The following KCNJ13 variants were observed in gnomAD, a reference collection of about 807,000 sequenced individuals.
KCNJ13 encodes potassium inwardly rectifying channel subfamily J member 13.
In KCNJ13, 9 loss-of-function variants were observed where a neutral mutation model predicts 24.6. That is an observed-to-expected ratio of 0.37 (90% CI 0.22 to 0.64). The LOEUF (loss-of-function observed/expected upper bound fraction) is 0.64, where lower values mean the gene tolerates loss of function less well. Among genes scored for constraint, KCNJ13 ranks in the 30% least tolerant of loss-of-function variants. The pLI, the probability that KCNJ13 is intolerant of heterozygous loss-of-function variation, is 0.64. For missense variants in KCNJ13, 337 were observed against 443.8 expected (o/e 0.76, Z 2.16); for synonymous variants, 148 against 154.7 (o/e 0.96, Z 0.32).
At chr2:232,774,067 A>G (rs1265064769) in intron 1 of KCNJ13, among the ~76,000 whole-genome samples, 1 of 151,748 alleles carries the variant, frequency 6.6e-6, no homozygotes, top group African/African-American at 2.4e-5. Flanking sequence ...GGATTGCTTG[A>G]GGTCGGGAAT....
Position 232,765,955 on chromosome 2 carries a change from A to C in KCNJ13, c.*2236T>G, listed in dbSNP as rs745319511. The C allele has an allele frequency of 1.1e-5, 5 of 471,046 alleles. No individual in the cohort carries two copies. The highest frequency in any genetic ancestry group is 1.5e-5 in the South Asian group (1 of 64,570). 29.2% of individuals were successfully genotyped at this position (471,046 alleles called of 1,614,324 possible). Reference sequence around the variant, plus strand: ...TTCCTGATCATGTGTGCAAGACTTCATGACCAAGCTCCCAGATGATCCAGG... The same window carrying C: ...TTCCTGATCATGTGTGCAAGACTTCCTGACCAAGCTCCCAGATGATCCAGG... On this transcript the variant is annotated 3_prime_UTR_variant, in exon 3 of 3. Coordinates refer to ENST00000233826, the MANE Select transcript of KCNJ13 (RefSeq NM_002242.4).
At position 232,771,414 on chromosome 2, in the gene KCNJ13, TTTTATAG is replaced by T. The variant is rs778562541; in HGVS notation, c.-16-43_-16-37del. The stretch of plus-strand genomic sequence containing the variant: ...GAGTAAATTAGTAAGCTCTTAACTG[TTTTATAG>T]TTAATGTTTGTGAATTTGGAGAGCT... On this transcript the variant is annotated intron_variant, in intron 1 of 2. Coordinates refer to ENST00000233826, the MANE Select transcript of KCNJ13 (RefSeq NM_002242.4). The T allele has an allele frequency of 2.0e-5, 27 of 1,340,410 alleles. 2 individuals carry two copies. In the South Asian group the frequency reaches 3.3e-4, roughly 17 times the overall value. The allele number at this position is 1,340,410 out of a possible 1,614,324, so 83.0% of individuals were successfully genotyped here. A position where few individuals can be genotyped will look rare whatever the true frequency, so the allele number is the denominator to read the frequency against.
At chr2:232,769,953 A>C (rs1699163617) in intron 2 of KCNJ13, among the ~76,000 whole-genome samples, 2 of 152,210 alleles carry the variant, frequency 1.3e-5, no homozygotes, top group Non-Finnish European at 2.9e-5. Flanking sequence ...TGTTTGAATC[A>C]AAGCTACTAA....
At position 232,767,820 on chromosome 2, in the gene KCNJ13, A is replaced by G. The variant is rs539079150; in HGVS notation, c.*371T>C. On this transcript the variant is annotated 3_prime_UTR_variant, in exon 3 of 3. Coordinates refer to ENST00000233826, the MANE Select transcript of KCNJ13 (RefSeq NM_002242.4). ...GGTTTGAAACTAAACTGTTGCTTCA[A>G]TTTGCAGATGAAAATGAGAGATTAA... 331 of 263,342 alleles carry G rather than the reference A, an allele frequency of 1.3e-3. 1 individual carries two copies. The highest frequency in any genetic ancestry group is 2.0e-3 in the Non-Finnish European group (278 of 135,898). The allele number at this position is 263,342 out of a possible 1,614,324, so 16.3% of individuals were successfully genotyped here.
intron 1 of KCNJ13, among the ~76,000 whole-genome samples, chr2:232,774,474 G>C (rs191558682): frequency 6.6e-6 from 1 of 152,196 alleles, no homozygotes; most frequent in Admixed American, 6.6e-5. Context: ...AGAGAGGAGA[G>C]TTATGACATA....
chr2:232,768,666 C>T lies in KCNJ13; in HGVS notation c.608G>A (p.Arg203Gln), dbSNP rs867979727. ...NTRPSPLTSV[R>Q]VSAVLYQERE... is the part of the protein sequence containing the mutation. ...TTCCTGATAGAGTACAGCTGAGACC[C>T]GGACACTGGTTAGAGGGCTAGGTCG... Residue 203 changes from arginine (R) to glutamine (Q), a missense_variant, in exon 3 of 3, where the codon CGG becomes CAG. Arg to Gln is a conservative substitution (Grantham distance 43). This residue lies in a region of KCNJ13 where 235 missense variants were observed against 286.9 expected (regional missense o/e 0.82). Transcript: ENST00000233826. The T allele has an allele frequency of 1.3e-5, 21 of 1,613,282 alleles. No homozygotes were observed. The highest frequency in any genetic ancestry group is 4.0e-5 in the African/African-American group (3 of 74,876).
chr2:232,771,065 C>T lies in KCNJ13; in HGVS notation c.298G>A (p.Val100Ile). ...GCTGTGAAACTGGTGATATACTTGACACAGATAGTGTGGTTTTCAGGTGGG... is the reference window on the plus strand; with the variant it reads ...GCTGTGAAACTGGTGATATACTTGATACAGATAGTGTGGTTTTCAGGTGGG... Reference protein sequence around the residue: ...DAPPENHTICVKYITSFTAAF... With the variant: ...DAPPENHTICIKYITSFTAAF... Residue 100 changes from valine to isoleucine, a missense_variant, in exon 2 of 3, where the codon GTC becomes ATC. Coordinates refer to ENST00000233826, the MANE Select transcript of KCNJ13 (RefSeq NM_002242.4). 6.2e-7 allele frequency: 1 copy of T among 1,614,074 alleles called. No individual in the cohort carries two copies. Among genetic ancestry groups the T allele is most frequent in the Non-Finnish European group, 8.5e-7 (1 of 1,180,012 alleles).
rs1698956082 is a variant in KCNJ13, at chr2:232,766,192, G to A, written c.*1999C>T. Among the ~76,000 whole-genome samples, 2 of 152,132 alleles carry A rather than the reference G, an allele frequency of 1.3e-5. No individual in the cohort carries two copies. The highest frequency in any genetic ancestry group is 4.1e-4 in the South Asian group (2 of 4,822). On this transcript the variant is annotated 3_prime_UTR_variant, in exon 3 of 3. Transcript: ENST00000233826. ...TTCTATCTCCTGCAAAAAAGTTTTG[G>A]ATCACGTTTCTTATAGATTTATAAA... is the stretch of plus-strand genomic sequence containing the variant.
At chr2:232,775,289 G>A (rs1699463662) in intron 1 of KCNJ13, among the ~76,000 whole-genome samples, 2 of 151,892 alleles carry the variant, frequency 1.3e-5, no homozygotes, top group African/African-American at 4.8e-5. Context: ...TGTCATTTTG[G>A]GCAAACCACT....
At chr2:232,775,762 G>C (rs1699486361) in intron 1 of KCNJ13, among the ~76,000 whole-genome samples, 4 of 152,142 alleles carry the variant, frequency 2.6e-5, no homozygotes, top group Admixed American at 2.6e-4. Context: ...TCATACTGAG[G>C]AGTTAAGATA....
intron 1 of KCNJ13, among the ~76,000 whole-genome samples, chr2:232,773,801 T>C (rs540138301): frequency 2.0e-4 from 30 of 151,674 alleles, no homozygotes; most frequent in Admixed American, 3.3e-4. Context: ...TTTATTGTTA[T>C]TAAAAACGTG....
In KCNJ13 at chr2:232,768,916, C is replaced by A. The variant is rs529450862; in HGVS notation, c.461-103G>T. 8.8e-6 allele frequency: 9 copies of A among 1,026,092 alleles called. No individual in the cohort carries two copies. In the South Asian group the frequency reaches 1.5e-4, roughly 18 times the overall value. The allele number at this position is 1,026,092 out of a possible 1,614,324, so 63.6% of individuals were successfully genotyped here. On this transcript the variant is annotated intron_variant, in intron 2 of 2. Coordinates refer to ENST00000233826, the MANE Select transcript of KCNJ13 (RefSeq NM_002242.4). Reference sequence around the variant, plus strand: ...TCAAATATTTACACATTTCTTGGTGCCATGCCTTTCAGTGAGTCAGGAATT... The same window carrying A: ...TCAAATATTTACACATTTCTTGGTGACATGCCTTTCAGTGAGTCAGGAATT...
chr2:232,766,147 G>T lies in KCNJ13; in HGVS notation c.*2044C>A, dbSNP rs1698954199. On this transcript the variant is annotated 3_prime_UTR_variant, in exon 3 of 3. Transcript: ENST00000233826. ...ATTTGAAATAAGTGAAAGAAACAATGAACAGTCCTCCCAGAAACTTTCTAT... is the reference window on the plus strand; with the variant it reads ...ATTTGAAATAAGTGAAAGAAACAATTAACAGTCCTCCCAGAAACTTTCTAT... Among the ~76,000 whole-genome samples the T allele has an allele frequency of 6.6e-6, 1 of 152,140 alleles. No individual in the cohort carries two copies. The highest frequency in any genetic ancestry group is 6.5e-5 in the Admixed American group (1 of 15,276).
intron 1 of KCNJ13, among the ~76,000 whole-genome samples, chr2:232,771,738 G>A (rs1361700696): frequency 6.6e-6 from 1 of 152,100 alleles, no homozygotes; most frequent in Non-Finnish European, 1.5e-5. Flanking sequence ...CAAATATTGT[G>A]TATAAAGACT....
intron 1 of KCNJ13, among the ~76,000 whole-genome samples, chr2:232,771,967 C>T (rs1699275164): frequency 6.6e-6 from 1 of 151,880 alleles, no homozygotes; most frequent in Non-Finnish European, 1.5e-5. Context: ...TTATAATTAG[C>T]CTATTCAGAG....
chr2:232,768,644 C>T lies in KCNJ13; in HGVS notation c.630G>A (p.Gln210=), dbSNP rs777358014. Residue 210 remains glutamine (Q), a synonymous_variant, in exon 3 of 3, where the codon CAG becomes CAA. Coordinates refer to ENST00000233826, the MANE Select transcript of KCNJ13 (RefSeq NM_002242.4). ...GGTAGAGTTTGCCATTTTCTCTTTC[C>T]TGATAGAGTACAGCTGAGACCCGGA... ...TSVRVSAVLY[Q]ERENGKLYQT... 14 of 1,613,916 alleles carry T rather than the reference C, an allele frequency of 8.7e-6. No homozygotes were observed. The East Asian group carries it at 1.1e-4, about 13-fold the overall frequency.
At chr2:232,772,657 A>T (rs1213641668) in intron 1 of KCNJ13, among the ~76,000 whole-genome samples, 1 of 152,212 alleles carries the variant, frequency 6.6e-6, no homozygotes, top group Non-Finnish European at 1.5e-5. Flanking sequence ...CTAGGAACAG[A>T]ACAGGAAATG....
chr2:232,769,080 C>T (rs574577412), intron 2 of KCNJ13, among the ~76,000 whole-genome samples: 2 of 152,224 alleles, frequency 1.3e-5, no homozygotes, highest in Admixed American at 1.3e-4. Flanking sequence ...CCTCTAGTTT[C>T]TTACAAAGTC....
intron 1 of KCNJ13, among the ~76,000 whole-genome samples, chr2:232,775,545 A>C (rs1239778696): frequency 6.6e-6 from 1 of 152,164 alleles, no homozygotes; most frequent in Non-Finnish European, 1.5e-5. Flanking sequence ...TCCCAATAGA[A>C]AGTGAGGTGG....
Sources: allele counts gnomAD v4.1 joint callset (sites outside exome capture counted in the v4.1 genomes callset), GRCh38; gene constraint gnomAD v4.1.1; regional missense constraint gnomAD v4.1.1; transcripts MANE v1.5; gene names NCBI Gene and HGNC (gene_info 2026-07-23, HGNC 2026-07-21).